The following SNTB1 variants were observed in gnomAD, a reference collection of about 807,000 sequenced individuals.
SNTB1 encodes syntrophin beta 1, also known as beta-1-syntrophin.
In SNTB1, 36 loss-of-function variants were observed where a neutral mutation model predicts 48.9. The observed-to-expected ratio is 0.74, with a 90% CI of 0.56 to 0.97. SNTB1 has a LOEUF of 0.97. Among genes scored for constraint, SNTB1 ranks in the 50% least tolerant of loss-of-function variants. SNTB1 has a pLI of 0.00. For missense variants in SNTB1, 786 were observed against 703.4 expected (o/e 1.12, Z -1.33); for synonymous variants, 299 against 294.6 (o/e 1.01, Z -0.15).
At chr8:120,540,799 G>A (rs941604137) in intron 6 of SNTB1, among the ~76,000 whole-genome samples, 2 of 152,188 alleles carry the variant, frequency 1.3e-5, no homozygotes, top group Admixed American at 6.5e-5. Context: ...CATCGTGGCT[G>A]CCTGTGGCGC....
intron 1 of SNTB1, chr8:120,769,082 A>C (rs1819575928): frequency 6.6e-6 from 1 of 152,196 alleles, no homozygotes; most frequent in Non-Finnish European, 1.5e-5. Flanking sequence ...CTTCTCTCTC[A>C]GTTCCAGACA....
At chr8:120,715,468 G>A (rs1818539641) in intron 1 of SNTB1, among the ~76,000 whole-genome samples, 1 of 152,186 alleles carries the variant, frequency 6.6e-6, no homozygotes, top group South Asian at 2.1e-4. Flanking sequence ...CATCACATGA[G>A]TTGTTTATCT....
intron 2 of SNTB1, among the ~76,000 whole-genome samples, chr8:120,648,926 A>T (rs1817354113): frequency 6.6e-6 from 1 of 151,274 alleles, no homozygotes. Flanking sequence ...TTCATCTTCC[A>T]TCGCTGATAC....
At chr8:120,790,291 G>GA (rs57020674) in intron 1 of SNTB1, among the ~76,000 whole-genome samples, 1 of 151,998 alleles carries the variant, frequency 6.6e-6, no homozygotes, top group Admixed American at 6.6e-5. Flanking sequence ...TACTGAATGG[G>GA]AAAAAATGGA....
chr8:120,782,649 C>G (rs923255783), intron 1 of SNTB1, among the ~76,000 whole-genome samples: 2 of 151,988 alleles, frequency 1.3e-5, no homozygotes, highest in African/African-American at 2.4e-5. Flanking sequence ...ATAAACGTAA[C>G]AAATGTTATA....
chr8:120,586,001 T>C (rs1816132641), intron 3 of SNTB1, among the ~76,000 whole-genome samples: 3 of 152,212 alleles, frequency 2.0e-5, no homozygotes, highest in Admixed American at 2.0e-4. Context: ...GCTCATGGGA[T>C]AGAAAACACT....
intron 5 of SNTB1, 54 bp downstream of exon 5, chr8:120,548,708 G>A (rs542230527): frequency 6.5e-7 from 1 of 1,532,346 alleles, no homozygotes; most frequent in Admixed American, 1.7e-5. Context: ...CGGTGGAGTA[G>A]AGGGTTCATC....
At chr8:120,767,843 T>C (rs1254181617) in intron 1 of SNTB1, among the ~76,000 whole-genome samples, 1 of 152,190 alleles carries the variant, frequency 6.6e-6, no homozygotes, top group Non-Finnish European at 1.5e-5. Context: ...GTAACTGCCA[T>C]GTATACCTTT....
intron 1 of SNTB1, among the ~76,000 whole-genome samples, chr8:120,728,191 G>C (rs756716656): frequency 6.6e-6 from 1 of 151,904 alleles, no homozygotes; most frequent in African/African-American, 2.4e-5. Flanking sequence ...GATAGAGATG[G>C]GGTTTCACCA....
intron 1 of SNTB1, among the ~76,000 whole-genome samples, chr8:120,758,205 C>A (rs1819350218): frequency 6.6e-6 from 1 of 152,078 alleles, no homozygotes; most frequent in African/African-American, 2.4e-5. Context: ...TTGAAATTTG[C>A]ACTTCTCAAA....
chr8:120,811,811 C>A lies in SNTB1; in HGVS notation c.33G>T (p.Gly11=). The change falls in exon 1 of 7, where the codon GGG becomes GGT. Residue 11 remains glycine (G), a synonymous_variant. Coordinates refer to ENST00000517992, the MANE Select transcript of SNTB1 (RefSeq NM_021021.4). ...CCCGGCCGCCTCCCGCGCCAGCCGG[C>A]CCAGCCGCCGCCGCCGCCGCCGCTA... The part of the protein sequence containing the change: MAVAAAAAAA[G]PAGAGGGRAQ... 7.3e-7 allele frequency: 1 copy of A among 1,366,564 alleles called. No individual in the cohort carries two copies. The highest frequency in any genetic ancestry group is 9.4e-7 in the Non-Finnish European group (1 of 1,063,708). 84.7% of individuals were successfully genotyped at this position (1,366,564 alleles called of 1,614,324 possible).
At chr8:120,752,741 A>T (rs35008761) in intron 1 of SNTB1, among the ~76,000 whole-genome samples, 19,576 of 151,920 alleles carry the variant, frequency 0.13, 1,621 homozygotes, top group African/African-American at 0.23. Flanking sequence ...AAATACCACA[A>T]GTTCTCACTT....
At chr8:120,552,895 T>C (rs1265922822) in intron 4 of SNTB1, among the ~76,000 whole-genome samples, 1 of 152,060 alleles carries the variant, frequency 6.6e-6, no homozygotes, top group Non-Finnish European at 1.5e-5. Flanking sequence ...GATGGTCCCA[T>C]CTGGGGGTGA....
chr8:120,765,537 G>A (rs1329495190), intron 1 of SNTB1, among the ~76,000 whole-genome samples: 3 of 152,114 alleles, frequency 2.0e-5, no homozygotes, highest in Non-Finnish European at 4.4e-5. Flanking sequence ...TCAAGGTGCT[G>A]GCATCTGGTG....
intron 1 of SNTB1, among the ~76,000 whole-genome samples, chr8:120,801,925 C>G (rs568065169): frequency 6.6e-6 from 1 of 152,178 alleles, no homozygotes; most frequent in Admixed American, 6.5e-5. Flanking sequence ...CTGCAAGTTC[C>G]TTTGTTGCAA....
intron 6 of SNTB1, among the ~76,000 whole-genome samples, chr8:120,540,018 T>C (rs563102287): frequency 3.6e-4 from 55 of 152,150 alleles, no homozygotes; most frequent in Non-Finnish European, 6.3e-4. Flanking sequence ...AGCCAGGGCT[T>C]AACCACAACA....
At chr8:120,747,545 C>T (rs1211508880) in intron 1 of SNTB1, among the ~76,000 whole-genome samples, 1 of 152,132 alleles carries the variant, frequency 6.6e-6, no homozygotes, top group Middle Eastern at 3.2e-3. Flanking sequence ...CCTGCCTCAG[C>T]CTCCGAAAGT....
intron 4 of SNTB1, among the ~76,000 whole-genome samples, chr8:120,559,988 C>G (rs1815626079): frequency 6.6e-6 from 1 of 151,860 alleles, no homozygotes; most frequent in Non-Finnish European, 1.5e-5. Context: ...CTGGCGAGCT[C>G]AAATACTTTC....
chr8:120,714,336 C>G (rs1818519809), intron 1 of SNTB1, among the ~76,000 whole-genome samples: 1 of 152,154 alleles, frequency 6.6e-6, no homozygotes, highest in South Asian at 2.1e-4. Flanking sequence ...CAATTCCAGC[C>G]AGCTGTGAAA....
Sources: allele counts gnomAD v4.1 joint callset (sites outside exome capture counted in the v4.1 genomes callset), GRCh38; gene constraint gnomAD v4.1.1; transcripts MANE v1.5; gene names NCBI Gene and HGNC (gene_info 2026-07-23, HGNC 2026-07-21).